Variants in VAV2 observed in about 807,000 individuals in gnomAD.
The protein encoded by VAV2 is guanine nucleotide exchange factor VAV2.
In VAV2, 67 loss-of-function variants were observed where a neutral mutation model predicts 132.5. The observed-to-expected ratio is 0.51, with a 90% confidence interval of 0.42 to 0.62. The LOEUF (loss-of-function observed/expected upper bound fraction) is 0.62. Ranked by LOEUF, VAV2 falls within the 20% of genes least tolerant of loss-of-function variation. The probability of loss-of-function intolerance (pLI) is 0.00; values close to 1 mark genes in which losing one functional copy is unlikely to be tolerated. For synonymous variants in VAV2, 492 were observed against 443.5 expected, an observed-to-expected ratio of 1.11 and a Z score of -1.37; for missense variants, 938 against 1,153.6, an observed-to-expected ratio of 0.81 and a Z score of 2.71.
Position 133,770,372 on chromosome 9 carries a change from C to A in VAV2, c.2347+6G>T. 6.2e-7 allele frequency: 1 copy of A among 1,613,800 alleles called. No homozygotes were observed. Among genetic ancestry groups the A allele is most frequent in the Non-Finnish European group, 8.5e-7 (1 of 1,179,810 alleles). Reference sequence around the variant, plus strand: ...TGCTGGTGTGCCGGCTGGGCCGGGGCGTTACCTGGGGACCGGCTGGAGGCC... The same window carrying A: ...TGCTGGTGTGCCGGCTGGGCCGGGGAGTTACCTGGGGACCGGCTGGAGGCC... On this transcript the variant is annotated splice_donor_region_variant and intron_variant, in intron 27 of 29. Transcript: ENST00000371850.
At chr9:133,770,330 C>T in intron 27 of VAV2, 48 bp downstream of exon 27, 2 of 1,610,694 alleles carry the variant, frequency 1.2e-6, no homozygotes, top group South Asian at 2.2e-5. Flanking sequence ...TGGGCCAGGG[C>T]AGACCCCTCC....
At position 133,991,972 on chromosome 9, in the gene VAV2, C is replaced by A; in HGVS notation, c.204+103G>T. On this transcript the variant is annotated intron_variant, in intron 1 of 29. Transcript: ENST00000371850. This position sits in a 1 kb window ranked among gnomAD's most constrained non-coding sequence, Gnocchi z 4.8. The stretch of plus-strand genomic sequence containing the variant: ...CGTCCCGGAGCCCGGCCGCCCCAGC[C>A]AGGGCGCCTGGGCCGCCGCCGCTGC... 9.7e-7 allele frequency: 1 copy of A among 1,033,410 alleles called. No homozygotes were observed. The highest frequency in any genetic ancestry group is 1.2e-6 in the Non-Finnish European group (1 of 826,616). 64.0% of individuals were successfully genotyped at this position (1,033,410 alleles called of 1,614,324 possible).
intron 2 of VAV2, among the ~76,000 whole-genome samples, chr9:133,890,221 G>C (rs886749518): frequency 2.4e-4 from 36 of 152,200 alleles, no homozygotes; most frequent in African/African-American, 8.7e-4. Context: ...AGGGAGCCCA[G>C]GCCGGGAGTC....
At position 133,768,524 on chromosome 9, in the gene VAV2, G is replaced by T; in HGVS notation, c.2507C>A (p.Ser836Ter). 6.2e-7 allele frequency: 1 copy of T among 1,613,992 alleles called. No individual in the cohort carries two copies. The highest frequency in any genetic ancestry group is 8.5e-7 in the Non-Finnish European group (1 of 1,179,992). Residue 836 changes from serine (S) to a stop codon, truncating the protein, a stop_gained, in exon 29 of 30, where the codon TCG becomes TAG. Transcript: ENST00000371850. LOFTEE classifies it high-confidence loss of function. The surrounding 1 kb of genome is among the most constrained non-coding windows in gnomAD (Gnocchi z 5.3). ...CCTCACCACGTCACCCTCCCGCAGC[G>T]AAAGCTCCCTCATATCTCGGGCGGC... ...NFAARDMREL[S>*]LREGDVVRIY...
At chr9:133,814,077 G>C (rs1376531074) in intron 4 of VAV2, among the ~76,000 whole-genome samples, 1 of 152,222 alleles carries the variant, frequency 6.6e-6, no homozygotes, top group Non-Finnish European at 1.5e-5. Flanking sequence ...CTGAAGCCGG[G>C]GTAAAGGCAG....
chr9:133,975,828 G>A (rs1842486059), intron 1 of VAV2, among the ~76,000 whole-genome samples: 1 of 152,134 alleles, frequency 6.6e-6, no homozygotes, highest in Non-Finnish European at 1.5e-5. Context: ...ATATTTGTCA[G>A]GAGAGAGGGA....
In VAV2 at chr9:133,992,104, C is replaced by T. The variant is rs368115750; in HGVS notation, c.175G>A (p.Asp59Asn). Reference sequence around the variant, plus strand: ...GACATCTGCGGCCGGAAGTTGATGTCCTTGAGGTCGATGGAGCCGGGGGAG... The same window carrying T: ...GACATCTGCGGCCGGAAGTTGATGTTCTTGAGGTCGATGGAGCCGGGGGAG... ...NLSPGSIDLK[D>N]INFRPQMSQF... is the part of the protein sequence containing the mutation. Residue 59 changes from aspartate (D) to asparagine (N), a missense_variant, in exon 1 of 30, where the codon GAC becomes AAC. Asp to Asn is a conservative substitution (Grantham distance 23). Coordinates refer to ENST00000371850, the MANE Select transcript of VAV2 (RefSeq NM_001134398.2). The surrounding 1 kb of genome is among the most constrained non-coding windows in gnomAD (Gnocchi z 5.5). 5 of 1,590,146 alleles carry T rather than the reference C, an allele frequency of 3.1e-6. 1 individual carries two copies. Among genetic ancestry groups the T allele is most frequent in the Non-Finnish European group, 4.3e-6 (5 of 1,169,428 alleles).
At chr9:133,774,891 G>A (rs767875538) in intron 25 of VAV2, 44 bp downstream of exon 25, 38 of 1,548,694 alleles carry the variant, frequency 2.5e-5, no homozygotes, top group African/African-American at 6.8e-5. Context: ...ACTTCAGAAC[G>A]GCATTGGGGG....
intron 26 of VAV2, 59 bp from the exon 27 acceptor site, chr9:133,770,560 T>A: frequency 1.3e-6 from 2 of 1,597,420 alleles, no homozygotes; most frequent in Non-Finnish European, 1.7e-6. Context: ...CCTCCCCCAG[T>A]GACCTGGCCT....
At chr9:133,981,476 G>C (rs963531996) in intron 1 of VAV2, among the ~76,000 whole-genome samples, 4 of 152,240 alleles carry the variant, frequency 2.6e-5, no homozygotes, top group Non-Finnish European at 5.9e-5. Context: ...TGCTGAGGGA[G>C]GGCAGGCGGC....
intron 1 of VAV2, among the ~76,000 whole-genome samples, chr9:133,964,548 C>T (rs183541897): frequency 3.3e-5 from 5 of 152,104 alleles, no homozygotes; most frequent in East Asian, 1.9e-4. Context: ...AATACCCTAA[C>T]GAACATAGAT....
intron 11 of VAV2, 94 bp downstream of exon 11, chr9:133,796,335 C>G: frequency 9.4e-7 from 1 of 1,059,980 alleles, no homozygotes; most frequent in Non-Finnish European, 1.4e-6. Context: ...CTTAATCTGT[C>G]TGTGGGCTGC....
intron 1 of VAV2, among the ~76,000 whole-genome samples, chr9:133,973,697 C>T (rs1227590134): frequency 1.3e-5 from 2 of 152,218 alleles, no homozygotes; most frequent in Non-Finnish European, 2.9e-5. Flanking sequence ...AGATACCCCG[C>T]ACAAGGGTGA....
At chr9:133,938,996 G>T in intron 2 of VAV2, 107 bp downstream of exon 2, 2 of 1,010,110 alleles carry the variant, frequency 2.0e-6, no homozygotes, top group Non-Finnish European at 3.1e-6. Context: ...CACTGGCTCT[G>T]TGTTGGAGCC....
chr9:133,900,958 C>T (rs1393658135), intron 2 of VAV2, among the ~76,000 whole-genome samples: 1 of 151,610 alleles, frequency 6.6e-6, no homozygotes, highest in East Asian at 1.9e-4. Flanking sequence ...TGTCATCACG[C>T]CCGGCTAATT....
intron 2 of VAV2, among the ~76,000 whole-genome samples, chr9:133,880,942 G>A (rs1411956624): frequency 6.6e-6 from 1 of 152,240 alleles, no homozygotes; most frequent in Non-Finnish European, 1.5e-5. Context: ...CCCTGGGCAT[G>A]AGCCTAGGTG....
intron 2 of VAV2, among the ~76,000 whole-genome samples, chr9:133,915,099 G>C (rs1003182096): frequency 6.6e-6 from 1 of 152,092 alleles, no homozygotes; most frequent in Non-Finnish European, 1.5e-5. Context: ...AAGAGCACCG[G>C]CCTGTTCTCC....
chr9:133,893,273 G>A (rs1839052933), intron 2 of VAV2, among the ~76,000 whole-genome samples: 1 of 152,222 alleles, frequency 6.6e-6, no homozygotes, highest in Admixed American at 6.5e-5. Context: ...CTGCAGGGTG[G>A]AGGGTGGAGA....
chr9:133,785,459 G>A (rs1453436356), intron 17 of VAV2, among the ~76,000 whole-genome samples: 1 of 152,248 alleles, frequency 6.6e-6, no homozygotes. Flanking sequence ...CTCCCAGCCG[G>A]TCACTGCTCT....
Sources: allele counts gnomAD v4.1 joint callset (sites outside exome capture counted in the v4.1 genomes callset), GRCh38; gene constraint gnomAD v4.1.1; non-coding constraint Gnocchi (gnomAD v3.1); transcripts MANE v1.5; gene names NCBI Gene and HGNC (gene_info 2026-07-23, HGNC 2026-07-21).